The following ENOX1 variants were observed in gnomAD, a reference collection of about 807,000 sequenced individuals.
The protein encoded by ENOX1 is ecto-NOX disulfide-thiol exchanger 1.
A neutral mutation model predicts 82.5 loss-of-function variants in ENOX1; 42 were observed. The observed-to-expected ratio is 0.51, with a 90% confidence interval of 0.40 to 0.66. The LOEUF (loss-of-function observed/expected upper bound fraction) is 0.66, where lower values mean the gene tolerates loss of function less well. ENOX1 is among the 30% of genes least tolerant of loss of function. The pLI is 0.00. For synonymous variants in ENOX1, 271 were observed against 282.2 expected (o/e 0.96, Z 0.40); for missense variants, 608 against 811.6 (o/e 0.75, Z 3.05).
intron 12 of ENOX1, among the ~76,000 whole-genome samples, chr13:43,286,028 C>T (rs1049367676): frequency 2.0e-5 from 3 of 152,100 alleles, no homozygotes; most frequent in Non-Finnish European, 4.4e-5. Context: ...CCCCCAACTG[C>T]GGCCGGAGTT....
chr13:43,516,059 T>C (rs986780102), intron 2 of ENOX1, among the ~76,000 whole-genome samples: 7 of 152,194 alleles, frequency 4.6e-5, no homozygotes, highest in Non-Finnish European at 7.3e-5. Context: ...TTGAGCCTTA[T>C]TTATTTTCTG....
intron 3 of ENOX1, among the ~76,000 whole-genome samples, chr13:43,429,768 T>C (rs112498390): frequency 2.4e-4 from 37 of 152,342 alleles, no homozygotes; most frequent in African/African-American, 7.7e-4. Flanking sequence ...GTTATAGTCA[T>C]ATCCTTCCAA....
intron 2 of ENOX1, among the ~76,000 whole-genome samples, chr13:43,666,470 C>A (rs2084984023): frequency 6.6e-6 from 1 of 152,108 alleles, no homozygotes; most frequent in African/African-American, 2.4e-5. Context: ...GACATAGACA[C>A]AGACACACAT....
chr13:43,253,360 C>T (rs1473307915), intron 14 of ENOX1, among the ~76,000 whole-genome samples: 1 of 152,216 alleles, frequency 6.6e-6, no homozygotes, highest in Admixed American at 6.5e-5. Context: ...CAAAGAAATG[C>T]CACATCCCAG....
chr13:43,637,844 A>G (rs186167023), intron 2 of ENOX1, among the ~76,000 whole-genome samples: 1 of 152,296 alleles, frequency 6.6e-6, no homozygotes, highest in Admixed American at 6.5e-5. Context: ...TCACCCTGCC[A>G]GGATTTCACA....
chr13:43,250,350 G>A (rs1400593308), intron 14 of ENOX1, among the ~76,000 whole-genome samples: 2 of 152,144 alleles, frequency 1.3e-5, no homozygotes, highest in Non-Finnish European at 2.9e-5. Flanking sequence ...TCCCTTTTCA[G>A]TTGTGTGCCC....
At chr13:43,533,390 A>C (rs1348786920) in intron 2 of ENOX1, among the ~76,000 whole-genome samples, 1 of 152,060 alleles carries the variant, frequency 6.6e-6, no homozygotes, top group Non-Finnish European at 1.5e-5. Context: ...TTGGAATACA[A>C]TTTATTTCAA....
intron 10 of ENOX1, 141 bp downstream of exon 10, chr13:43,326,278 T>C (rs1052418547): frequency 4.9e-5 from 34 of 691,196 alleles, no homozygotes; most frequent in Non-Finnish European, 3.0e-5. Flanking sequence ...AAATCTCAGC[T>C]GCATTTGGAG....
At chr13:43,396,223 C>T (rs2053140592) in intron 5 of ENOX1, among the ~76,000 whole-genome samples, 1 of 152,162 alleles carries the variant, frequency 6.6e-6, no homozygotes, top group Admixed American at 6.5e-5. Context: ...TTTCTTGCTC[C>T]TTGTTTCTTC....
intron 11 of ENOX1, among the ~76,000 whole-genome samples, chr13:43,315,473 G>GAAC (rs76405810): frequency 0.1 from 15,340 of 152,144 alleles, 912 homozygotes; most frequent in Middle Eastern, 0.15. Flanking sequence ...GTTTAGGAAA[G>GAAC]AACAACAACA....
At chr13:43,294,376 C>A (rs2046176672) in intron 12 of ENOX1, among the ~76,000 whole-genome samples, 1 of 152,138 alleles carries the variant, frequency 6.6e-6, no homozygotes, top group South Asian at 2.1e-4. Flanking sequence ...GACCTATCCT[C>A]ATGAATGAAA....
chr13:43,645,496 T>C (rs1425723457), intron 2 of ENOX1, among the ~76,000 whole-genome samples: 1 of 152,214 alleles, frequency 6.6e-6, no homozygotes, highest in Admixed American at 6.5e-5. Context: ...GCATCATCCA[T>C]TGTCAAAGTA....
chr13:43,384,745 A>G (rs2052299164), intron 5 of ENOX1, among the ~76,000 whole-genome samples: 1 of 152,222 alleles, frequency 6.6e-6, no homozygotes, highest in Admixed American at 6.5e-5. Flanking sequence ...TATTAAAAGA[A>G]TAGTCTTAAG....
rs767115114 is a variant in ENOX1 at position 43,692,267 on chromosome 13, T to C, written c.-284-24723A>G. Among the ~76,000 whole-genome samples the C allele has an allele frequency of 9.9e-5, 15 of 152,218 alleles. 1 individual carries two copies. Among genetic ancestry groups the C allele is most frequent in the Non-Finnish European group, 1.6e-4 (11 of 68,042 alleles). On this transcript the variant is annotated intron_variant, in intron 1 of 16. Transcript: ENST00000690772. ...AATAATTTTGGATTCTTACTAAGTA[T>C]CTTCCCCCAAAATTAATTCCAGAAA...
At chr13:43,650,287 T>C (rs951419718) in intron 2 of ENOX1, among the ~76,000 whole-genome samples, 2 of 152,172 alleles carry the variant, frequency 1.3e-5, no homozygotes, top group South Asian at 2.1e-4. Context: ...ACCACATCTG[T>C]CTCTGTAGCA....
intron 1 of ENOX1, among the ~76,000 whole-genome samples, chr13:43,689,479 G>C (rs1265870921): frequency 6.6e-6 from 1 of 152,182 alleles, no homozygotes; most frequent in Non-Finnish European, 1.5e-5. Flanking sequence ...GCACATCTCT[G>C]ACAAGCTGAC....
At chr13:43,524,227 T>C (rs180744550) in intron 2 of ENOX1, among the ~76,000 whole-genome samples, 64 of 152,244 alleles carry the variant, frequency 4.2e-4, no homozygotes, top group African/African-American at 1.5e-3. Context: ...ATAGAGACAA[T>C]TCCAACTCAT....
chr13:43,422,773 T>C (rs1055721826), intron 3 of ENOX1, among the ~76,000 whole-genome samples: 1 of 152,072 alleles, frequency 6.6e-6, no homozygotes. Flanking sequence ...CAAAGAAAAA[T>C]ATCACTCGGC....
intron 2 of ENOX1, among the ~76,000 whole-genome samples, chr13:43,569,203 C>T (rs12867162): frequency 0.048 from 7,280 of 152,194 alleles, 226 homozygotes; most frequent in Middle Eastern, 0.11. Context: ...TAAAAATGAC[C>T]TTTCTAAATT....
Sources: allele counts gnomAD v4.1 joint callset (sites outside exome capture counted in the v4.1 genomes callset), GRCh38; gene constraint gnomAD v4.1.1; transcripts MANE v1.5; gene names NCBI Gene and HGNC (gene_info 2026-07-23, HGNC 2026-07-21).